PRDM11: variants seen among roughly 807,000 people sequenced by gnomAD.
PRDM11 encodes the protein PR/SET domain 11, also known as PR domain-containing protein 11.
In PRDM11, 20 loss-of-function variants were observed where a neutral mutation model predicts 97.8. The ratio of observed to expected loss-of-function variants is 0.20; its 90% CI spans 0.14 to 0.30. The LOEUF is 0.30. Among genes scored for constraint, PRDM11 ranks in the 10% least tolerant of loss-of-function variants. PRDM11 has a pLI of 1.00. For missense variants in PRDM11, 1,139 were observed against 1,555.2 expected, an observed-to-expected ratio of 0.73 and a Z score of 4.50; for synonymous variants, 599 against 637.7, an observed-to-expected ratio of 0.94 and a Z score of 0.91.
chr11:45,147,304 G>GGCGCGGCGCGGACGCCGACGCCGACGCC (rs1554967049), intron 1 of PRDM11: 1 of 151,758 alleles, frequency 6.6e-6, no homozygotes. Context: ...GGCGGGGCGC[G>GGCGCGGCGCGGACGCCGACGCCGACGCC]GACGCCGACG....
chr11:45,195,595 A>G (rs1853094957), intron 4 of PRDM11, among the ~76,000 whole-genome samples: 1 of 149,860 alleles, frequency 6.7e-6, no homozygotes, highest in Non-Finnish European at 1.5e-5. Flanking sequence ...TTTATCTGAG[A>G]CATCATCTCT....
chr11:45,201,705 T>C (rs1473300730), intron 4 of PRDM11, among the ~76,000 whole-genome samples: 2 of 152,112 alleles, frequency 1.3e-5, no homozygotes, highest in African/African-American at 4.8e-5. Context: ...CAGTGGCTCA[T>C]GCCTGTAATC....
intron 1 of PRDM11, among the ~76,000 whole-genome samples, chr11:45,167,839 T>C (rs1852104197): frequency 6.6e-6 from 1 of 151,254 alleles, no homozygotes; most frequent in Non-Finnish European, 1.5e-5. Flanking sequence ...GCTGGCTGCC[T>C]GATAGTGAGT....
At position 45,231,732 on chromosome 11, in the gene PRDM11, A is replaced by T. The variant is rs1184429471; in HGVS notation, c.*3573A>T. 1 of 151,700 alleles carries T rather than the reference A, an allele frequency of 6.6e-6. No homozygotes were observed. The highest frequency in any genetic ancestry group is 2.4e-5 in the African/African-American group (1 of 41,250). 9.4% of individuals were successfully genotyped at this position (151,700 alleles called of 1,614,324 possible). On this transcript the variant is annotated 3_prime_UTR_variant, in exon 8 of 8. Coordinates refer to ENST00000683152, the MANE Select transcript of PRDM11 (RefSeq NM_001384648.1). Reference sequence around the variant, plus strand: ...AAGAAAAAATCCACTGCCATCTAGTATCTGTGAAACATGAGGACAGCGCAG... The same window carrying T: ...AAGAAAAAATCCACTGCCATCTAGTTTCTGTGAAACATGAGGACAGCGCAG...
intron 1 of PRDM11, among the ~76,000 whole-genome samples, chr11:45,112,087 T>C (rs1457285913): frequency 6.6e-6 from 1 of 152,188 alleles, no homozygotes; most frequent in African/African-American, 2.4e-5. Flanking sequence ...TAGTCTTTTA[T>C]CCATTACCCT....
intron 5 of PRDM11, chr11:45,213,894 G>A (rs895667981): frequency 1.1e-5 from 4 of 367,748 alleles, no homozygotes; most frequent in Non-Finnish European, 2.2e-5. Flanking sequence ...CAGGGGGCAG[G>A]TCTTGCCCCT....
intron 5 of PRDM11, chr11:45,213,008 A>T (rs146611295): frequency 2.5e-6 from 1 of 403,862 alleles, no homozygotes; most frequent in Non-Finnish European, 5.1e-6. Flanking sequence ...CCCCACACGG[A>T]CTACCAGGTC....
In PRDM11 at chr11:45,215,171, G is replaced by T. The variant is rs1262754902; in HGVS notation, c.555-4399G>T. On this transcript the variant is annotated intron_variant, in intron 5 of 7. Coordinates refer to ENST00000683152, the MANE Select transcript of PRDM11 (RefSeq NM_001384648.1). Reference sequence around the variant, plus strand: ...ACCCTCCCCACCAATCCAGGTGTCTGTGTGTCTGGCACTGGCAAGGCTCTG... The same window carrying T: ...ACCCTCCCCACCAATCCAGGTGTCTTTGTGTCTGGCACTGGCAAGGCTCTG... 2.0e-5 allele frequency among the ~76,000 whole-genome samples: 3 copies of T among 152,216 alleles called. No homozygotes were observed. In the South Asian group the frequency reaches 6.2e-4, roughly 32 times the overall value.
chr11:45,158,907 G>C (rs1347237010), intron 1 of PRDM11, among the ~76,000 whole-genome samples: 3 of 152,096 alleles, frequency 2.0e-5, no homozygotes, highest in Non-Finnish European at 4.4e-5. Flanking sequence ...CCGGGTCCAG[G>C]GGCACAGTCT....
chr11:45,099,278 C>T (rs191733603), intron 1 of PRDM11, among the ~76,000 whole-genome samples: 31 of 152,096 alleles, frequency 2.0e-4, no homozygotes, highest in African/African-American at 6.5e-4. Context: ...CACAGTGAAA[C>T]GCTGTCTCTA....
At chr11:45,124,097 C>G (rs1184915398) in intron 1 of PRDM11, among the ~76,000 whole-genome samples, 2 of 148,310 alleles carry the variant, frequency 1.3e-5, no homozygotes, top group Non-Finnish European at 3.0e-5. Context: ...ATTTTATTCT[C>G]TTTGAAGCAA....
In PRDM11 at chr11:45,103,650, G is replaced by A. The variant is rs190340274; in HGVS notation, c.96+7749G>A. On this transcript the variant is annotated intron_variant, in intron 1 of 6. Coordinates refer to the PRDM11 transcript ENST00000530656. ...AATACTTCTGTCTTGATGGTCACAC[G>A]GTTTTAAAAAGTCATTGAGTTGTAC... 3.5e-3 allele frequency among the ~76,000 whole-genome samples: 522 copies of A among 150,952 alleles called. 1 individual carries two copies. The highest frequency in any genetic ancestry group is 6.5e-3 in the Non-Finnish European group (438 of 67,800).
chr11:45,186,832 C>T (rs903447140), intron 4 of PRDM11, among the ~76,000 whole-genome samples: 1 of 152,204 alleles, frequency 6.6e-6, no homozygotes, highest in African/African-American at 2.4e-5. Context: ...GACGAGGAAA[C>T]ACAGGACTCC....
At chr11:45,157,067 G>A (rs1851816141) in intron 1 of PRDM11, among the ~76,000 whole-genome samples, 1 of 152,176 alleles carries the variant, frequency 6.6e-6, no homozygotes, top group African/African-American at 2.4e-5. Flanking sequence ...GGAGCTGTCG[G>A]TGGTTTGTAA....
chr11:45,158,234 A>C (rs532026497), intron 1 of PRDM11, among the ~76,000 whole-genome samples: 1 of 152,324 alleles, frequency 6.6e-6, no homozygotes, highest in South Asian at 2.1e-4. Flanking sequence ...GGAACAGACC[A>C]AGGTGTGCCT....
In PRDM11 at chr11:45,137,243, G is replaced by A. The variant is rs112026231; in HGVS notation, c.96+41342G>A. ...AGGTCAGGAATTTGAGACCAGCCTTGCCAACATGGTGAAACCCCGTCTCTA... is the reference window on the plus strand; with the variant it reads ...AGGTCAGGAATTTGAGACCAGCCTTACCAACATGGTGAAACCCCGTCTCTA... On this transcript the variant is annotated intron_variant, in intron 1 of 6. Transcript: ENST00000530656. Among the ~76,000 whole-genome samples the A allele has an allele frequency of 1.1e-4, 17 of 151,640 alleles. No homozygotes were observed. In the East Asian group the frequency reaches 1.9e-3, roughly 17 times the overall value.
chr11:45,157,747 G>C (rs956410995), intron 1 of PRDM11, among the ~76,000 whole-genome samples: 14 of 152,212 alleles, frequency 9.2e-5, no homozygotes, highest in African/African-American at 3.4e-4. Context: ...GTCACACCTG[G>C]GGTCATGGGC....
chr11:45,209,207 G>T (rs572387166), intron 5 of PRDM11: 1 of 438,430 alleles, frequency 2.3e-6, no homozygotes, highest in Non-Finnish European at 4.6e-6. Context: ...CCCACGAGAG[G>T]GCCATCAAGT....
intron 5 of PRDM11, among the ~76,000 whole-genome samples, chr11:45,205,274 G>C (rs190100058): frequency 1.4e-3 from 211 of 152,302 alleles, no homozygotes; most frequent in Non-Finnish European, 2.1e-3. Flanking sequence ...ACTTTACCCT[G>C]TTCCGGTGTT....
Sources: gnomAD v4.1 joint callset for allele counts (sites outside exome capture counted in the v4.1 genomes callset) on GRCh38, gnomAD v4.1.1 for gene constraint, MANE v1.5 for transcripts, NCBI Gene and HGNC (gene_info 2026-07-23, HGNC 2026-07-21) for gene names.